The following BABAM2 variants were observed in gnomAD, a reference collection of about 807,000 sequenced individuals.
The protein encoded by BABAM2 is BRISC and BRCA1-A complex member 2.
A neutral mutation model predicts 54.7 loss-of-function variants in BABAM2; 31 were observed. The observed-to-expected ratio is 0.57, with a 90% CI of 0.43 to 0.77. The LOEUF (loss-of-function observed/expected upper bound fraction) is 0.77, where lower values mean the gene tolerates loss of function less well. BABAM2 is among the 30% of genes least tolerant of loss of function. The pLI, the probability that BABAM2 is intolerant of heterozygous loss-of-function variation, is 0.00. For missense variants in BABAM2, 364 were observed against 455.8 expected, an observed-to-expected ratio of 0.80 and a Z score of 1.83; for synonymous variants, 167 against 162.9, an observed-to-expected ratio of 1.03 and a Z score of -0.19.
chr2:27,932,416 T>C (rs924263699), intron 3 of BABAM2, among the ~76,000 whole-genome samples: 2 of 152,216 alleles, frequency 1.3e-5, no homozygotes, highest in Admixed American at 1.3e-4. Context: ...GATTATATTT[T>C]TGTTTATCAT....
chr2:28,215,136 A>G (rs1355525970), intron 7 of BABAM2, among the ~76,000 whole-genome samples: 1 of 152,194 alleles, frequency 6.6e-6, no homozygotes, highest in Non-Finnish European at 1.5e-5. Context: ...ATATAGATTC[A>G]TGTAAGGTTC....
At chr2:28,295,238 G>A (rs951589242) in intron 10 of BABAM2, among the ~76,000 whole-genome samples, 17 of 152,090 alleles carry the variant, frequency 1.1e-4, no homozygotes, top group Non-Finnish European at 4.4e-5. Flanking sequence ...TCCAAAACCC[G>A]AAAAAGCCAG....
chr2:27,919,002 T>C (rs1473779857), intron 2 of BABAM2, among the ~76,000 whole-genome samples: 1 of 152,246 alleles, frequency 6.6e-6, no homozygotes, highest in African/African-American at 2.4e-5. Context: ...ATTATGAGTC[T>C]TTTAATCCAT....
intron 7 of BABAM2, among the ~76,000 whole-genome samples, chr2:28,228,358 C>T (rs895191908): frequency 6.6e-6 from 1 of 152,064 alleles, no homozygotes; most frequent in Non-Finnish European, 1.5e-5. Flanking sequence ...TTTCTTGGAC[C>T]ATCATTAAAA....
intron 4 of BABAM2, among the ~76,000 whole-genome samples, chr2:28,022,036 A>G (rs1675308138): frequency 6.6e-6 from 1 of 152,174 alleles, no homozygotes; most frequent in Admixed American, 6.5e-5. Flanking sequence ...TGTCTTTCTG[A>G]AGAAGGAAGC....
intron 7 of BABAM2, among the ~76,000 whole-genome samples, chr2:28,214,905 C>T (rs1679795161): frequency 6.6e-6 from 1 of 151,822 alleles, no homozygotes. Flanking sequence ...CCTTGCAGGC[C>T]CCATATTGCC....
rs1558347424 is a variant in BABAM2 at position 28,112,197 on chromosome 2, C to CCCTCCCTTCCTTCCTTCCTT, written c.571-17071_571-17070insCCCTTCCTTCCTTCCTTCCT. The stretch of plus-strand genomic sequence containing the variant: ...TCCCTCCCTCCCTCCCTCCCTCCCT[C>CCCTCCCTTCCTTCCTTCCTT]CCTTCCTTCCTTCCTTCCTTCCTTC... On this transcript the variant is annotated intron_variant, in intron 6 of 11. Coordinates refer to ENST00000379624, the MANE Select transcript of BABAM2 (RefSeq NM_199191.3). 4.7e-4 allele frequency among the ~76,000 whole-genome samples: 12 copies of CCCTCCCTTCCTTCCTTCCTT among 25,498 alleles called. 1 individual carries two copies. The highest frequency in any genetic ancestry group is 2.1e-3 in the African/African-American group (11 of 5,240). 16.7% of individuals were successfully genotyped at this position (25,498 alleles called of 152,430 possible).
At chr2:27,942,811 T>TATTTATTC (rs1669014047) in intron 3 of BABAM2, among the ~76,000 whole-genome samples, 1 of 150,686 alleles carries the variant, frequency 6.6e-6, no homozygotes, top group Non-Finnish European at 1.5e-5. Context: ...TTTATTTATT[T>TATTTATTC]ATTTATTTAT....
At chr2:28,004,775 G>A (rs962442520) in intron 4 of BABAM2, among the ~76,000 whole-genome samples, 2 of 151,364 alleles carry the variant, frequency 1.3e-5, no homozygotes, top group African/African-American at 2.4e-5. Flanking sequence ...CTGCTGCCTC[G>A]ACTTCCTGGG....
intron 7 of BABAM2, among the ~76,000 whole-genome samples, chr2:28,166,833 C>T (rs1673731004): frequency 6.6e-6 from 1 of 152,144 alleles, no homozygotes; most frequent in South Asian, 2.1e-4. Flanking sequence ...CGAATGCCTT[C>T]ATCAGACTTG....
chr2:28,033,388 G>C (rs1000346363), intron 5 of BABAM2, among the ~76,000 whole-genome samples: 6 of 152,118 alleles, frequency 3.9e-5, no homozygotes, highest in African/African-American at 1.4e-4. Context: ...ATTCCTTACA[G>C]TTATAGAAGT....
intron 10 of BABAM2, among the ~76,000 whole-genome samples, chr2:28,265,662 C>T (rs912397932): frequency 1.3e-4 from 20 of 152,218 alleles, no homozygotes; most frequent in South Asian, 4.1e-4. Flanking sequence ...ACACGACACA[C>T]GTACACTCTA....
intron 11 of BABAM2, among the ~76,000 whole-genome samples, chr2:28,317,965 T>A (rs1689706752): frequency 6.6e-6 from 1 of 152,212 alleles, no homozygotes; most frequent in Non-Finnish European, 1.5e-5. Context: ...GTCTTTCCAA[T>A]CCCATTTGAT....
At chr2:28,274,977 C>T (rs1408002074) in intron 10 of BABAM2, among the ~76,000 whole-genome samples, 1 of 152,160 alleles carries the variant, frequency 6.6e-6, no homozygotes, top group Non-Finnish European at 1.5e-5. Context: ...TGGCTGCTTA[C>T]GAGGACAGAG....
At chr2:27,981,358 A>T (rs961192350) in intron 3 of BABAM2, among the ~76,000 whole-genome samples, 1 of 152,228 alleles carries the variant, frequency 6.6e-6, no homozygotes, top group Non-Finnish European at 1.5e-5. Flanking sequence ...CTTTATTGAG[A>T]TACAATTACA....
chr2:28,160,499 G>A (rs934416736), intron 7 of BABAM2, among the ~76,000 whole-genome samples: 2 of 152,162 alleles, frequency 1.3e-5, no homozygotes, highest in African/African-American at 2.4e-5. Flanking sequence ...AGAAGTGCAC[G>A]TATGCACAGT....
chr2:28,150,433 T>C (rs1164565685), intron 7 of BABAM2, among the ~76,000 whole-genome samples: 1 of 152,190 alleles, frequency 6.6e-6, no homozygotes. Context: ...CATCTCCTTT[T>C]CCTGACAACA....
chr2:28,276,944 GC>G (rs1685928951), intron 10 of BABAM2, among the ~76,000 whole-genome samples: 1 of 152,092 alleles, frequency 6.6e-6, no homozygotes, highest in South Asian at 2.1e-4. Context: ...GGCAGAGTGA[GC>G]CCATGTTCTC....
chr2:28,006,237 A>G (rs1217524359), intron 4 of BABAM2, among the ~76,000 whole-genome samples: 2 of 152,062 alleles, frequency 1.3e-5, no homozygotes, highest in African/African-American at 4.8e-5. Flanking sequence ...GTTCATATAA[A>G]TTGGTAGTTG....
Sources: allele counts gnomAD v4.1 joint callset (sites outside exome capture counted in the v4.1 genomes callset), GRCh38; gene constraint gnomAD v4.1.1; transcripts MANE v1.5; gene names NCBI Gene and HGNC (gene_info 2026-07-23, HGNC 2026-07-21).